The following STK31 variants were observed in gnomAD, a reference collection of about 807,000 sequenced individuals.
STK31 encodes serine/threonine-protein kinase 31.
Under a neutral mutation model 129.7 loss-of-function variants are expected in STK31, and 89 were observed. The observed-to-expected ratio is 0.69, with a 90% CI of 0.58 to 0.82. STK31 has a LOEUF of 0.82. Ranked by LOEUF, STK31 falls within the 40% of genes least tolerant of loss-of-function variation. STK31 has a pLI of 0.00. For missense variants in STK31, 1,187 were observed against 1,176.4 expected (o/e 1.01, Z -0.13); for synonymous variants, 448 against 395.3 (o/e 1.13, Z -1.58).
At chr7:23,730,878 A>ATATATATATATATATATATATATATATT in intron 6 of STK31, among the ~76,000 whole-genome samples, 4 of 59,534 alleles carry the variant, frequency 6.7e-5, no homozygotes, top group African/African-American at 1.2e-4. Flanking sequence ...ATATATATAT[A>ATATATATATATATATATATATATATATT]TTTTTTTTTT....
intron 10 of STK31, among the ~76,000 whole-genome samples, chr7:23,759,327 A>G (rs1789308482): frequency 6.6e-6 from 1 of 152,252 alleles, no homozygotes; most frequent in Admixed American, 6.5e-5. Flanking sequence ...CTGAATATAC[A>G]TTCTTCTCAG....
chr7:23,745,251 C>T (rs1367465355), intron 8 of STK31, among the ~76,000 whole-genome samples: 2 of 152,068 alleles, frequency 1.3e-5, no homozygotes, highest in African/African-American at 2.4e-5. Flanking sequence ...GTGGTGTGCT[C>T]AGACACTGGT....
chr7:23,715,081 G>T (rs1375949491), intron 3 of STK31, among the ~76,000 whole-genome samples: 2 of 152,208 alleles, frequency 1.3e-5, no homozygotes, highest in East Asian at 1.9e-4. Flanking sequence ...GAATGTAGTG[G>T]TTATTTCAAT....
At chr7:23,783,702 G>C in intron 17 of STK31, 39 bp downstream of exon 17, 1 of 1,501,866 alleles carries the variant, frequency 6.7e-7, no homozygotes. Flanking sequence ...ACTCTTCAGA[G>C]GGTGTTGAAA....
At position 23,751,534 on chromosome 7, in the gene STK31, A is replaced by G. The variant is rs115625974; in HGVS notation, c.1018-1183A>G. 3.6e-3 allele frequency among the ~76,000 whole-genome samples: 547 copies of G among 152,314 alleles called. 5 individuals are homozygous for G. The highest frequency in any genetic ancestry group is 0.013 in the African/African-American group (520 of 41,568). On this transcript the variant is annotated intron_variant, in intron 8 of 23. Coordinates refer to ENST00000355870, the MANE Select transcript of STK31 (RefSeq NM_031414.5). ...CATTTTTAAAAGTTATGTGTATCCT[A>G]TAGCTGTTGGGTGAAGTGTTTTATA...
At position 23,829,430 on chromosome 7, in the gene STK31, C is replaced by T. The variant is rs149655372; in HGVS notation, c.2830-2706C>T. 3.6e-3 allele frequency among the ~76,000 whole-genome samples: 545 copies of T among 152,178 alleles called. 5 individuals carry two copies. The highest frequency in any genetic ancestry group is 0.011 in the African/African-American group (446 of 41,520). ...GTTCAGTTGATGTGATGGATCATGT[C>T]GCTGATTTGGGTGTGTTGAACCATC... is the stretch of plus-strand genomic sequence containing the variant. On this transcript the variant is annotated intron_variant, in intron 23 of 23. Coordinates refer to ENST00000355870, the MANE Select transcript of STK31 (RefSeq NM_031414.5).
chr7:23,799,118 T>G (rs1452586770), intron 22 of STK31, among the ~76,000 whole-genome samples: 1 of 151,898 alleles, frequency 6.6e-6, no homozygotes, highest in Non-Finnish European at 1.5e-5. Flanking sequence ...GAAAACAAAT[T>G]CCATGCTCAT....
intron 3 of STK31, among the ~76,000 whole-genome samples, chr7:23,715,563 T>G (rs1277068847): frequency 6.7e-6 from 1 of 150,120 alleles, no homozygotes; most frequent in Admixed American, 6.7e-5. Context: ...GAGACTGCAG[T>G]GAGCTGAGAT....
chr7:23,755,585 C>T (rs1389242747), intron 10 of STK31, among the ~76,000 whole-genome samples: 1 of 152,172 alleles, frequency 6.6e-6, no homozygotes, highest in Non-Finnish European at 1.5e-5. Context: ...ATGCCTATGT[C>T]CTGAACGCTA....
chr7:23,820,821 C>G (rs1297054368), intron 23 of STK31, among the ~76,000 whole-genome samples: 1 of 152,182 alleles, frequency 6.6e-6, no homozygotes, highest in African/African-American at 2.4e-5. Context: ...AATGACTGTT[C>G]CATCCTTGTT....
chr7:23,751,892 G>A (rs1296148410), intron 8 of STK31, among the ~76,000 whole-genome samples: 1 of 142,794 alleles, frequency 7.0e-6, no homozygotes, highest in South Asian at 2.4e-4. Flanking sequence ...TTTGCATATA[G>A]TATTTTTATT....
intron 8 of STK31, among the ~76,000 whole-genome samples, chr7:23,745,165 G>C (rs916046131): frequency 2.0e-5 from 3 of 152,190 alleles, no homozygotes; most frequent in African/African-American, 7.2e-5. Flanking sequence ...AGGTTGGGTA[G>C]GCCTGACCTT....
chr7:23,759,611 G>A (rs1381208138), intron 10 of STK31, among the ~76,000 whole-genome samples: 1 of 152,186 alleles, frequency 6.6e-6, no homozygotes, highest in Non-Finnish European at 1.5e-5. Flanking sequence ...ACTGGTGATT[G>A]TGGATAAGGG....
intron 7 of STK31, 59 bp from the exon 8 acceptor site, chr7:23,736,845 G>T: frequency 7.3e-7 from 1 of 1,365,978 alleles, no homozygotes; most frequent in Non-Finnish European, 9.6e-7. Flanking sequence ...ACTTAGATTT[G>T]TTTTCTGTGT....
intron 21 of STK31, 141 bp downstream of exon 21, chr7:23,788,270 A>G (rs950308106): frequency 5.8e-6 from 4 of 687,620 alleles, no homozygotes; most frequent in Admixed American, 4.2e-5. Flanking sequence ...ATAAGCAACT[A>G]TTTGCCCTCA....
intron 23 of STK31, among the ~76,000 whole-genome samples, chr7:23,816,084 C>T (rs1793453737): frequency 6.6e-6 from 1 of 152,090 alleles, no homozygotes; most frequent in Non-Finnish European, 1.5e-5. Flanking sequence ...TTTAAAAAAA[C>T]ATACCTTAGA....
rs1302273912 is a variant in STK31, at chr7:23,786,597, AG to A, written c.2367del (p.Leu790TyrfsTer4). ...CTTGGAGAGAAGCTGAAGGAGACTC[AG>A]GGTTACTGCCATTGATATTCCTGTT... ...RAWREAEGDS[G>X]LLPLIFLFLC... is the part of the protein sequence containing the mutation. On this transcript the variant is annotated frameshift_variant, in exon 19 of 24. Coordinates refer to ENST00000355870, the MANE Select transcript of STK31 (RefSeq NM_031414.5). LOFTEE classifies it high-confidence loss of function. 6.2e-7 allele frequency: 1 copy of A among 1,613,636 alleles called. No homozygotes were observed. The highest frequency in any genetic ancestry group is 1.3e-5 in the African/African-American group (1 of 74,906).
chr7:23,786,774 T>C (rs1426127647), intron 19 of STK31, 64 bp from the exon 20 acceptor site: 2 of 1,560,858 alleles, frequency 1.3e-6, no homozygotes, highest in Non-Finnish European at 1.8e-6. Flanking sequence ...ATAGAATCAA[T>C]GTATGCTAAA....
intron 22 of STK31, among the ~76,000 whole-genome samples, chr7:23,799,027 G>C (rs537473351): frequency 1.3e-5 from 2 of 152,236 alleles, no homozygotes; most frequent in South Asian, 2.1e-4. Context: ...TAGGAATACA[G>C]CTAGCAAGGG....
Sources: gnomAD v4.1 joint callset for allele counts (sites outside exome capture counted in the v4.1 genomes callset) on GRCh38, gnomAD v4.1.1 for gene constraint, MANE v1.5 for transcripts, NCBI Gene and HGNC (gene_info 2026-07-23, HGNC 2026-07-21) for gene names.